Variants in STAU1 observed in about 807,000 individuals in gnomAD.
STAU1 encodes the protein staufen double-stranded RNA binding protein 1.
A neutral mutation model predicts 62.9 loss-of-function variants in STAU1; 13 were observed. The ratio of observed to expected loss-of-function variants is 0.21; its 90% CI spans 0.13 to 0.33. The LOEUF is 0.33. Among genes scored for constraint, STAU1 ranks in the 10% least tolerant of loss-of-function variants. STAU1 has a pLI of 1.00. For missense variants in STAU1, 571 were observed against 712.1 expected, an observed-to-expected ratio of 0.80 and a Z score of 2.25; for synonymous variants, 269 against 265.1, an observed-to-expected ratio of 1.01 and a Z score of -0.14.
upstream of STAU1, among the ~76,000 whole-genome samples, chr20:49,189,834 C>G (rs2093827697): frequency 6.6e-6 from 1 of 152,070 alleles, no homozygotes; most frequent in South Asian, 2.1e-4. Flanking sequence ...TGCTCAATCT[C>G]TCTTGCCAAC....
the STAU1 span, among the ~76,000 whole-genome samples, chr20:49,217,676 A>AATATAT: frequency 0.28 from 37,501 of 135,554 alleles, 6,196 homozygotes; most frequent in Middle Eastern, 0.41. Context: ...TTCCTTTTAA[A>AATATAT]ATATATATAT....
At chr20:49,177,007 G>A (rs1484308487) in intron 1 of STAU1, among the ~76,000 whole-genome samples, 1 of 151,656 alleles carries the variant, frequency 6.6e-6, no homozygotes, top group Non-Finnish European at 1.5e-5. Context: ...CGCCTCCCGG[G>A]TTCAAGCGAT....
chr20:49,190,526 G>A (rs988887610), upstream of STAU1, among the ~76,000 whole-genome samples: 2 of 152,130 alleles, frequency 1.3e-5, no homozygotes, highest in Non-Finnish European at 2.9e-5. Flanking sequence ...TGACCAGGCT[G>A]GTCTCAAATT....
chr20:49,206,595 G>C, the STAU1 span, among the ~76,000 whole-genome samples: 4 of 141,408 alleles, frequency 2.8e-5, no homozygotes, highest in Admixed American at 7.4e-5. Flanking sequence ...CTGTAGCCTC[G>C]ACCTCCTGGG....
chr20:49,153,813 C>A, intron 4 of STAU1, 120 bp downstream of exon 4: 3 of 1,006,268 alleles, frequency 3.0e-6, no homozygotes, highest in Middle Eastern at 2.9e-4. Context: ...CCAACTTCAA[C>A]ACTTGGCAGG....
At chr20:49,174,325 A>C (rs2093632277) in intron 1 of STAU1, 56 bp from the exon 2 acceptor site, 2 of 152,202 alleles carry the variant, frequency 1.3e-5, no homozygotes, top group Admixed American at 1.3e-4. Flanking sequence ...TCTGAAACTG[A>C]AGACATACTG....
intron 3 of STAU1, among the ~76,000 whole-genome samples, chr20:49,160,458 T>C (rs907019629): frequency 6.6e-6 from 1 of 152,216 alleles, no homozygotes; most frequent in Non-Finnish European, 1.5e-5. Context: ...TATATCATCT[T>C]ACGCTACAGC....
At chr20:49,216,652 G>A in the STAU1 span, among the ~76,000 whole-genome samples, 1 of 152,130 alleles carries the variant, frequency 6.6e-6, no homozygotes, top group Non-Finnish European at 1.5e-5. Context: ...CCCCCAAAGA[G>A]AAAAATAAGA....
intron 6 of STAU1, among the ~76,000 whole-genome samples, chr20:49,133,604 C>G (rs2092803081): frequency 6.6e-6 from 1 of 152,194 alleles, no homozygotes; most frequent in Non-Finnish European, 1.5e-5. Flanking sequence ...CTCATTCCCT[C>G]CCCAAGTGCA....
chr20:49,154,892 C>G (rs1243210154), intron 3 of STAU1, among the ~76,000 whole-genome samples: 1 of 148,746 alleles, frequency 6.7e-6, no homozygotes, highest in African/African-American at 2.5e-5. Flanking sequence ...CGAGACCAGC[C>G]TGGCTAACAC....
chr20:49,120,070 C>T lies in STAU1; in HGVS notation c.1025G>A (p.Arg342His), dbSNP rs767970271. 9.3e-6 allele frequency: 15 copies of T among 1,614,194 alleles called. No homozygotes were observed. Among genetic ancestry groups the T allele is most frequent in the South Asian group, 3.3e-5 (3 of 91,076 alleles). Residue 342 changes from arginine to histidine, a missense_variant, in exon 9 of 14, where the codon CGC becomes CAC. By Grantham distance (29) the Arg-to-His change is conservative (BLOSUM62 0). Transcript: ENST00000371856. The stretch of plus-strand genomic sequence containing the variant: ...CTCCAGCATGTTCTCGGCTGCATTG[C>T]GCTTGGCCACCTTCTTGTTGGTGCC... Reference protein sequence around the residue: ...GTGTNKKVAKRNAAENMLEIL... With the variant: ...GTGTNKKVAKHNAAENMLEIL...
At chr20:49,206,551 C>T in the STAU1 span, among the ~76,000 whole-genome samples, 1 of 146,196 alleles carries the variant, frequency 6.8e-6, no homozygotes, top group Non-Finnish European at 1.5e-5. Flanking sequence ...GCTCTGTCAC[C>T]CAGGCTGGAG....
chr20:49,168,013 C>T (rs545577075), intron 2 of STAU1, among the ~76,000 whole-genome samples: 2 of 152,150 alleles, frequency 1.3e-5, no homozygotes, highest in South Asian at 4.1e-4. Context: ...AGGGTGTGGA[C>T]CAAGGGATTT....
intron 1 of STAU1, among the ~76,000 whole-genome samples, chr20:49,187,147 T>C (rs1240768217): frequency 6.6e-6 from 1 of 152,034 alleles, no homozygotes; most frequent in Non-Finnish European, 1.5e-5. Context: ...ATAGGTTTGC[T>C]CAACTCAAGG....
chr20:49,210,553 G>A, the STAU1 span: 2 of 453,982 alleles, frequency 4.4e-6, no homozygotes, highest in East Asian at 7.0e-5. Flanking sequence ...CTCTAGAGCT[G>A]TCAAAAAGCA....
chr20:49,165,827 C>T (rs2075276429), intron 3 of STAU1, among the ~76,000 whole-genome samples, 170 bp downstream of exon 3: 2 of 152,182 alleles, frequency 1.3e-5, no homozygotes, highest in Non-Finnish European at 2.9e-5. Flanking sequence ...CCCCTGTCAA[C>T]CCCTTACACA....
At chr20:49,133,754 G>C (rs895095623) in intron 6 of STAU1, among the ~76,000 whole-genome samples, 1 of 152,204 alleles carries the variant, frequency 6.6e-6, no homozygotes, top group Non-Finnish European at 1.5e-5. Flanking sequence ...TGAGGGTGGA[G>C]GGGCAGGAAT....
At chr20:49,150,408 C>G (rs2093223561) in intron 5 of STAU1, among the ~76,000 whole-genome samples, 2 of 151,800 alleles carry the variant, frequency 1.3e-5, no homozygotes, top group South Asian at 4.2e-4. Flanking sequence ...GTCCCTGAGG[C>G]TGGAGTGCAG....
intron 3 of STAU1, among the ~76,000 whole-genome samples, chr20:49,155,389 AT>A (rs1048336590): frequency 3.9e-5 from 6 of 151,914 alleles, no homozygotes; most frequent in East Asian, 1.9e-4. Flanking sequence ...TCATTTTCCA[AT>A]TTTTTTTTCT....
Sources: allele counts gnomAD v4.1 joint callset (sites outside exome capture counted in the v4.1 genomes callset), GRCh38; gene constraint gnomAD v4.1.1; transcripts MANE v1.5; gene names NCBI Gene and HGNC (gene_info 2026-07-23, HGNC 2026-07-21).